CACNB2: variants seen among roughly 807,000 people sequenced by gnomAD.
CACNB2 encodes calcium voltage-gated channel auxiliary subunit beta 2, also known as voltage-dependent L-type calcium channel subunit beta-2.
Under a neutral mutation model 73.3 loss-of-function variants are expected in CACNB2, and 42 were observed. The observed-to-expected ratio is 0.57, with a 90% confidence interval of 0.45 to 0.74. The LOEUF is 0.74. Ranked by LOEUF, CACNB2 falls within the 30% of genes least tolerant of loss-of-function variation. The pLI, the probability that CACNB2 is intolerant of heterozygous loss-of-function variation, is 0.00. For synonymous variants in CACNB2, 348 were observed against 310.3 expected (o/e 1.12, Z -1.28); for missense variants, 940 against 853.0 (o/e 1.10, Z -1.27).
chr10:18,229,864 T>G (rs2036157603), intron 2 of CACNB2, among the ~76,000 whole-genome samples: 1 of 152,210 alleles, frequency 6.6e-6, no homozygotes, highest in Non-Finnish European at 1.5e-5. Flanking sequence ...ACGGTAAAAT[T>G]ACATATGGCA....
chr10:18,209,930 C>A (rs2035249244), intron 2 of CACNB2, among the ~76,000 whole-genome samples: 1 of 152,102 alleles, frequency 6.6e-6, no homozygotes, highest in African/African-American at 2.4e-5. Context: ...CTACCAAAAG[C>A]TCCTTGGTGG....
rs1020573231 is a variant in CACNB2 at position 18,145,255 on chromosome 10, G to T, written c.120+4399G>T. Among the ~76,000 whole-genome samples, 3 of 152,210 alleles carry T rather than the reference G, an allele frequency of 2.0e-5. No homozygotes were observed. The South Asian group carries it at 6.2e-4, about 31-fold the overall frequency. ...AAAGAGTAGCAGCTGTTTTCTAGTGGCTCTTCAACTACATCAACACTGTTT... is the reference window on the plus strand; with the variant it reads ...AAAGAGTAGCAGCTGTTTTCTAGTGTCTCTTCAACTACATCAACACTGTTT... On this transcript the variant is annotated intron_variant, in intron 1 of 13. Transcript: ENST00000324631.
At chr10:18,203,772 C>T (rs1186206860) in intron 2 of CACNB2, among the ~76,000 whole-genome samples, 1 of 151,930 alleles carries the variant, frequency 6.6e-6, no homozygotes, top group Non-Finnish European at 1.5e-5. Flanking sequence ...TTATGAAAAG[C>T]AGGTTGTTGG....
In CACNB2 at chr10:18,540,085, A is replaced by G. The variant is rs190424063; in HGVS notation, c.*361A>G. The G allele has an allele frequency of 2.8e-4, 56 of 202,658 alleles. 1 individual carries two copies. The East Asian group carries it at 6.3e-3, about 23-fold the overall frequency. The allele number at this position is 202,658 out of a possible 1,614,324, so 12.6% of individuals were successfully genotyped here. On this transcript the variant is annotated 3_prime_UTR_variant, in exon 14 of 14. Coordinates refer to ENST00000324631, the MANE Select transcript of CACNB2 (RefSeq NM_201596.3). ...CAAGCCAGAATCAGCACAGATAAAA[A>G]GTGGAATTTCTTGTTTCTCCAGATT... is the stretch of plus-strand genomic sequence containing the variant.
chr10:18,264,543 C>T (rs2037703209), intron 2 of CACNB2, among the ~76,000 whole-genome samples: 1 of 152,188 alleles, frequency 6.6e-6, no homozygotes, highest in South Asian at 2.1e-4. Context: ...CCCAGGGTAC[C>T]CACTAAACAG....
chr10:18,224,525 G>A (rs564981314), intron 2 of CACNB2, among the ~76,000 whole-genome samples: 3 of 152,158 alleles, frequency 2.0e-5, no homozygotes, highest in South Asian at 4.2e-4. Flanking sequence ...TCTAACCCAC[G>A]AAGGGTTGGG....
intron 3 of CACNB2, among the ~76,000 whole-genome samples, chr10:18,410,834 G>A (rs11014107): frequency 6.6e-6 from 1 of 152,100 alleles, no homozygotes. Flanking sequence ...ACAAAAATTA[G>A]CTAGGCATGG....
intron 2 of CACNB2, among the ~76,000 whole-genome samples, chr10:18,254,899 G>A (rs1423065278): frequency 6.6e-6 from 1 of 152,306 alleles, no homozygotes; most frequent in East Asian, 1.9e-4. Flanking sequence ...ATTACATTGG[G>A]TTTCATTTTC....
intron 7 of CACNB2, chr10:18,514,829 C>A: frequency 1.4e-6 from 1 of 701,444 alleles, no homozygotes; most frequent in Non-Finnish European, 2.5e-6. Flanking sequence ...CTTATTCTAT[C>A]TCTTTCTTTT....
intron 3 of CACNB2, among the ~76,000 whole-genome samples, chr10:18,461,909 C>T (rs1367214037): frequency 1.3e-5 from 2 of 151,806 alleles, no homozygotes; most frequent in Admixed American, 1.3e-4. Context: ...TAAGACATAG[C>T]TGCCTTGGCA....
At chr10:18,401,125 G>A in intron 2 of CACNB2, 1 of 1,614,026 alleles carries the variant, frequency 6.2e-7, no homozygotes, top group Non-Finnish European at 8.5e-7. Context: ...TTTCGTTTGT[G>A]GGGAGAGGTT....
intron 2 of CACNB2, among the ~76,000 whole-genome samples, chr10:18,274,648 G>T (rs2038199263): frequency 6.6e-6 from 1 of 151,926 alleles, no homozygotes; most frequent in African/African-American, 2.4e-5. Flanking sequence ...ACTTAATTTA[G>T]TCTTATGGCT....
chr10:18,519,023 G>A (rs1413155045), intron 9 of CACNB2, 55 bp downstream of exon 9: 9 of 1,466,956 alleles, frequency 6.1e-6, no homozygotes, highest in Middle Eastern at 1.7e-4. Context: ...ATGGCAAAAC[G>A]CTGGTGGGAC....
intron 2 of CACNB2, among the ~76,000 whole-genome samples, chr10:18,368,620 G>T (rs1486638648): frequency 6.6e-6 from 1 of 152,000 alleles, no homozygotes; most frequent in Non-Finnish European, 1.5e-5. Context: ...TGAGTTCCAG[G>T]TTTTGTTATT....
At chr10:18,308,238 C>A (rs1291716144) in intron 2 of CACNB2, among the ~76,000 whole-genome samples, 19 of 152,046 alleles carry the variant, frequency 1.2e-4, no homozygotes, top group Non-Finnish European at 2.5e-4. Flanking sequence ...AAGTGATCCG[C>A]CTGCCTTGGC....
rs559931446 is a variant in CACNB2 at position 18,140,910 on chromosome 10, C to T, written c.120+54C>T. ...CTTTGTGAGCCGCCGGGCAGGGCAC[C>T]GACCTCGGGTTCTCCCGGCGCCTCC... On this transcript the variant is annotated intron_variant, in intron 1 of 13. Coordinates refer to ENST00000324631, the MANE Select transcript of CACNB2 (RefSeq NM_201596.3). The T allele has an allele frequency of 2.0e-3, 3,032 of 1,554,326 alleles. 9 individuals carry two copies. The highest frequency in any genetic ancestry group is 2.0e-3 in the Non-Finnish European group (2,255 of 1,151,684).
chr10:18,371,166 T>C (rs903965064), intron 2 of CACNB2, among the ~76,000 whole-genome samples: 12 of 152,232 alleles, frequency 7.9e-5, no homozygotes, highest in African/African-American at 2.6e-4. Context: ...TTCTTAAACA[T>C]GTGCATATTT....
intron 1 of CACNB2, among the ~76,000 whole-genome samples, chr10:18,150,424 G>A (rs1435759635): frequency 6.6e-6 from 1 of 152,202 alleles, no homozygotes; most frequent in Admixed American, 6.5e-5. Context: ...AACACTTTGG[G>A]AGGCCAAGGC....
chr10:18,141,020 C>A, intron 1 of CACNB2, 164 bp downstream of exon 1: 3 of 1,537,836 alleles, frequency 2.0e-6, no homozygotes, highest in Non-Finnish European at 2.6e-6. Flanking sequence ...GACCCTGCCC[C>A]TTTGCGCCTT....
Sources: allele counts gnomAD v4.1 joint callset (sites outside exome capture counted in the v4.1 genomes callset), GRCh38; gene constraint gnomAD v4.1.1; transcripts MANE v1.5; gene names NCBI Gene and HGNC (gene_info 2026-07-23, HGNC 2026-07-21).